The following NUP210L variants were observed in gnomAD, a reference collection of about 807,000 sequenced individuals.
NUP210L encodes nuclear pore membrane glycoprotein 210-like.
In NUP210L, 74 loss-of-function variants were observed where a neutral mutation model predicts 208.5. That is an observed-to-expected ratio of 0.35 (90% CI 0.29 to 0.43). The LOEUF is 0.43. Among genes scored for constraint, NUP210L ranks in the 20% least tolerant of loss-of-function variants. The pLI is 1.00. For synonymous variants in NUP210L, 780 were observed against 816.9 expected (o/e 0.95, Z 0.77); for missense variants, 1,843 against 2,289.4 (o/e 0.81, Z 3.98).
intron 10 of NUP210L, among the ~76,000 whole-genome samples, chr1:154,122,449 G>A (rs1175671373): frequency 2.0e-5 from 3 of 152,108 alleles, no homozygotes; most frequent in Non-Finnish European, 2.9e-5. Context: ...GAGGTCAGGA[G>A]ATCAAGACCA....
intron 10 of NUP210L, among the ~76,000 whole-genome samples, chr1:154,120,211 C>G (rs865923842): frequency 2.1e-4 from 32 of 152,166 alleles, no homozygotes; most frequent in African/African-American, 7.7e-4. Flanking sequence ...AGTGTCTGTT[C>G]ACATCCTTCA....
intron 10 of NUP210L, among the ~76,000 whole-genome samples, chr1:154,124,009 C>T (rs555163705): frequency 6.6e-6 from 1 of 151,404 alleles, no homozygotes; most frequent in Non-Finnish European, 1.5e-5. Context: ...TGGTGAAACC[C>T]CCATCTCTAC....
At chr1:154,091,496 CTTTTCT>C (rs1655907616) in intron 15 of NUP210L, among the ~76,000 whole-genome samples, 2 of 143,492 alleles carry the variant, frequency 1.4e-5, no homozygotes, top group African/African-American at 5.1e-5. Context: ...CTTTTCTTTT[CTTTTCT>C]TTTTTTTTTT....
At chr1:153,996,230 A>G (rs1377252286) in intron 37 of NUP210L, among the ~76,000 whole-genome samples, 1 of 151,896 alleles carries the variant, frequency 6.6e-6, no homozygotes, top group African/African-American at 2.4e-5. Flanking sequence ...AGGCGGAGCT[A>G]GCAGTGAACC....
In NUP210L at chr1:154,032,983, G is replaced by GAA. The variant is rs1453636856; in HGVS notation, c.3697-2931_3697-2930dup. Among the ~76,000 whole-genome samples the GAA allele has an allele frequency of 3.7e-5, 5 of 135,236 alleles. No homozygotes were observed. The Admixed American group carries it at 3.8e-4, about 10-fold the overall frequency. The allele number at this position is 135,236 out of a possible 152,430, so 88.7% of individuals were successfully genotyped here. On this transcript the variant is annotated intron_variant, in intron 27 of 39. Transcript: ENST00000368559. ...GAAAAGAAAAGAAAAGAAAAGAAAA[G>GAA]AAAAGAAAAGAAAGAAAGAAAAAAA...
chr1:153,996,551 A>G (rs933648088), intron 37 of NUP210L, among the ~76,000 whole-genome samples: 1 of 151,784 alleles, frequency 6.6e-6, no homozygotes, highest in Non-Finnish European at 1.5e-5. Flanking sequence ...CCTCCCTAGT[A>G]GCTGGCATTA....
chr1:154,035,775 C>T (rs1010431007), intron 27 of NUP210L, among the ~76,000 whole-genome samples: 2 of 151,742 alleles, frequency 1.3e-5, no homozygotes, highest in Admixed American at 1.3e-4. Context: ...ACTTTGTCAC[C>T]CAGGCTGGAG....
At chr1:154,079,087 C>T (rs1452721271) in intron 16 of NUP210L, among the ~76,000 whole-genome samples, 1 of 151,992 alleles carries the variant, frequency 6.6e-6, no homozygotes, top group African/African-American at 2.4e-5. Context: ...GAGCACAAAA[C>T]CAGCCTGGGC....
At chr1:154,144,253 C>G (rs1452691880) in intron 2 of NUP210L, among the ~76,000 whole-genome samples, 1 of 152,086 alleles carries the variant, frequency 6.6e-6, no homozygotes, top group Non-Finnish European at 1.5e-5. Flanking sequence ...AAGGATTATA[C>G]TTTATTCTAC....
intron 28 of NUP210L, 69 bp downstream of exon 28, chr1:154,029,827 T>C (rs1652110636): frequency 1.6e-6 from 2 of 1,261,466 alleles, no homozygotes; most frequent in Non-Finnish European, 2.3e-6. Flanking sequence ...AAGCTCTTTG[T>C]TGATGGTAAG....
intron 2 of NUP210L, among the ~76,000 whole-genome samples, chr1:154,149,537 T>A (rs537348796): frequency 1.3e-5 from 2 of 151,898 alleles, no homozygotes; most frequent in Admixed American, 6.6e-5. Context: ...CCCACTACCA[T>A]AGTCTTACAA....
At chr1:154,108,892 G>A (rs1405397141) in intron 12 of NUP210L, among the ~76,000 whole-genome samples, 3 of 151,836 alleles carry the variant, frequency 2.0e-5, no homozygotes, top group East Asian at 3.9e-4. Context: ...CCTGAGATTG[G>A]CAGTTCGAGA....
At chr1:154,071,627 CTTTTTT>C (rs893742878) in intron 16 of NUP210L, among the ~76,000 whole-genome samples, 32 of 99,788 alleles carry the variant, frequency 3.2e-4, no homozygotes, top group African/African-American at 1.0e-3. Context: ...CAATTCATTC[CTTTTTT>C]TTTTTTTTTT....
intron 10 of NUP210L, among the ~76,000 whole-genome samples, chr1:154,120,258 T>G (rs1169546713): frequency 1.3e-5 from 2 of 152,210 alleles, no homozygotes; most frequent in African/African-American, 4.8e-5. Context: ...TCTTGTAAAT[T>G]TGTTTGAGTT....
chr1:154,110,957 G>A lies in NUP210L; in HGVS notation c.1621-6747C>T, dbSNP rs544279462. 1.6e-4 allele frequency among the ~76,000 whole-genome samples: 24 copies of A among 150,636 alleles called. 1 individual carries two copies. The highest frequency in any genetic ancestry group is 5.2e-4 in the African/African-American group (21 of 40,528). On this transcript the variant is annotated intron_variant, in intron 12 of 39. Coordinates refer to ENST00000368559, the Ensembl canonical transcript of NUP210L. ...TAGAAGAAATAATAAAGATCAGAGC[G>A]GAAATAAATGAAATAAAAAAATACA...
intron 12 of NUP210L, among the ~76,000 whole-genome samples, chr1:154,110,235 CA>C (rs1268438629): frequency 7.0e-4 from 89 of 127,100 alleles, no homozygotes; most frequent in Middle Eastern, 4.0e-3. Context: ...AACTCTGTCT[CA>C]AAAAAAAAAA....
intron 29 of NUP210L, among the ~76,000 whole-genome samples, chr1:154,026,899 A>G (rs1651905255): frequency 6.6e-6 from 1 of 151,864 alleles, no homozygotes; most frequent in Admixed American, 6.6e-5. Context: ...CCTGGCCAAC[A>G]TGGTGAAACC....
intron 28 of NUP210L, 86 bp downstream of exon 28, chr1:154,029,809 TC>T (rs1652109198): frequency 1.9e-6 from 2 of 1,041,738 alleles, no homozygotes; most frequent in Admixed American, 4.7e-5. Context: ...TCTGTCTCTA[TC>T]CAGACTAAGC....
At chr1:154,091,646 GC>G (rs1655921007) in intron 15 of NUP210L, among the ~76,000 whole-genome samples, 2 of 151,002 alleles carry the variant, frequency 1.3e-5, no homozygotes, top group South Asian at 4.2e-4. Context: ...GATTACAGGT[GC>G]CCACCACCAC....
Sources: gnomAD v4.1 joint callset for allele counts (sites outside exome capture counted in the v4.1 genomes callset) on GRCh38, gnomAD v4.1.1 for gene constraint, MANE v1.5 for transcripts, NCBI Gene and HGNC (gene_info 2026-07-23, HGNC 2026-07-21) for gene names.